PZP: variants seen among roughly 807,000 people sequenced by gnomAD.
PZP encodes the protein pregnancy zone protein.
PZP carries 150 observed loss-of-function variants against 179.8 expected under a neutral mutation model. The ratio of observed to expected loss-of-function variants is 0.83; its 90% CI spans 0.73 to 0.96. PZP has a LOEUF of 0.96. Ranked by LOEUF, PZP falls within the 40% of genes least tolerant of loss-of-function variation. PZP has a pLI of 0.00. For synonymous variants in PZP, 624 were observed against 652.3 expected (o/e 0.96, Z 0.66); for missense variants, 1,689 against 1,764.0 (o/e 0.96, Z 0.76).
chr12:9,166,731 T>A (rs1246197585), intron 17 of PZP, among the ~76,000 whole-genome samples: 1 of 152,232 alleles, frequency 6.6e-6, no homozygotes, highest in African/African-American at 2.4e-5. Flanking sequence ...AGCATTAGAT[T>A]TTATTCCACT....
At chr12:9,158,373 T>A in intron 26 of PZP, 47 bp downstream of exon 26, 3 of 1,600,912 alleles carry the variant, frequency 1.9e-6, no homozygotes, top group Non-Finnish European at 2.6e-6. Flanking sequence ...CCCTGGGGGA[T>A]GTTATGTTGA....
intron 17 of PZP, among the ~76,000 whole-genome samples, chr12:9,167,808 T>TC (rs1041197905): frequency 6.6e-6 from 1 of 152,202 alleles, no homozygotes; most frequent in Admixed American, 6.5e-5. Flanking sequence ...AACATTTCCT[T>TC]CCCCCCAAAC....
intron 28 of PZP, 56 bp downstream of exon 28, chr12:9,157,119 C>G: frequency 6.5e-7 from 1 of 1,536,568 alleles, no homozygotes; most frequent in African/African-American, 1.4e-5. Flanking sequence ...TGTGCTGTTC[C>G]CCTCCCTGTG....
intron 29 of PZP, among the ~76,000 whole-genome samples, chr12:9,154,353 T>C (rs772661723): frequency 1.3e-5 from 2 of 152,182 alleles, no homozygotes; most frequent in African/African-American, 2.4e-5. Context: ...CTAGAATGTG[T>C]CCAATGACCA....
At chr12:9,183,198 A>C (rs1477983127) in intron 13 of PZP, among the ~76,000 whole-genome samples, 1 of 152,234 alleles carries the variant, frequency 6.6e-6, no homozygotes, top group African/African-American at 2.4e-5. Flanking sequence ...AAGGCTAGCT[A>C]TCTAACACAC....
intron 13 of PZP, among the ~76,000 whole-genome samples, chr12:9,190,427 A>C (rs1337137402): frequency 6.6e-6 from 1 of 152,190 alleles, no homozygotes; most frequent in Non-Finnish European, 1.5e-5. Context: ...GTGCTCAGTT[A>C]TAAGTGGGAG....
intron 35 of PZP, 143 bp downstream of exon 35, chr12:9,149,418 G>A (rs754251703): frequency 1.6e-5 from 12 of 743,022 alleles, no homozygotes; most frequent in South Asian, 1.2e-4. Flanking sequence ...GGCATGCTAC[G>A]CCACAGTTTT....
At chr12:9,143,016 G>C in the PZP span, among the ~76,000 whole-genome samples, 2 of 152,164 alleles carry the variant, frequency 1.3e-5, no homozygotes, top group African/African-American at 4.8e-5. Context: ...AGGAAAACAA[G>C]ATTTATGAAG....
chr12:9,188,346 T>A (rs1181056270), intron 13 of PZP, among the ~76,000 whole-genome samples: 1 of 152,118 alleles, frequency 6.6e-6, no homozygotes, highest in Non-Finnish European at 1.5e-5. Context: ...AAACTCCCAA[T>A]AAACTAGATA....
intron 1 of PZP, 131 bp downstream of exon 1, chr12:9,208,128 T>C (rs1313419059): frequency 1.5e-6 from 1 of 649,804 alleles, no homozygotes; most frequent in South Asian, 1.9e-5. Flanking sequence ...AGGGATTAAC[T>C]GGAATAATTT....
the PZP span, among the ~76,000 whole-genome samples, chr12:9,137,047 T>C: frequency 1.3e-5 from 2 of 152,212 alleles, no homozygotes; most frequent in African/African-American, 4.8e-5. Flanking sequence ...GTTCAACTTA[T>C]TTGTTTTTGT....
chr12:9,166,021 C>T (rs776575593), intron 18 of PZP, 31 bp downstream of exon 18: 17 of 1,579,014 alleles, frequency 1.1e-5, no homozygotes, highest in South Asian at 3.5e-5. Context: ...TCCCTCCCCT[C>T]CAGCAAATGG....
chr12:9,151,470 C>T (rs1474815409), intron 33 of PZP, 134 bp downstream of exon 33: 2 of 618,310 alleles, frequency 3.2e-6, no homozygotes, highest in Non-Finnish European at 5.5e-6. Flanking sequence ...TCTTATTCTT[C>T]TTGGAATAGA....
In PZP at chr12:9,165,243, A is replaced by G; in HGVS notation, c.2383T>C (p.Phe795Leu). The change falls in exon 19 of 36, where the codon TTC (phenylalanine) becomes CTC (leucine). Residue 795 changes from phenylalanine to leucine, a missense_variant. Phe to Leu is a conservative substitution (Grantham distance 22). Around this residue, in one of 3 missense-constraint regions of PZP, gnomAD observed 201 missense variants for 284.2 expected, o/e 0.71. Coordinates refer to ENST00000261336, the MANE Select transcript of PZP (RefSeq NM_002864.3). Reference sequence around the variant, plus strand: ...GTGAGCTCCACAAAGAAGGGCTGGAAGGCTCGGAGAGAGGCAGTGGAAGAG... The same window carrying G: ...GTGAGCTCCACAAAGAAGGGCTGGAGGGCTCGGAGAGAGGCAGTGGAAGAG... The part of the protein sequence containing the change: ...GISSTASLRA[F>L]QPFFVELTMP... 6.2e-7 allele frequency: 1 copy of G among 1,614,204 alleles called. No individual in the cohort carries two copies. Among genetic ancestry groups the G allele is most frequent in the East Asian group, 2.2e-5 (1 of 44,878 alleles).
At position 9,182,073 on chromosome 12, in the gene PZP, C is replaced by T; in HGVS notation, c.1591G>A (p.Ala531Thr). The T allele has an allele frequency of 6.2e-7, 1 of 1,613,512 alleles. No homozygotes were observed. Among genetic ancestry groups the T allele is most frequent in the East Asian group, 2.2e-5 (1 of 44,854 alleles). ...AAGATGAACATTCGTGCAATGGGGGCAACGTCTGACTCCACAGGGAAGGAT... is the reference window on the plus strand; with the variant it reads ...AAGATGAACATTCGTGCAATGGGGGTAACGTCTGACTCCACAGGGAAGGAT... ...ALSFPVESDV[A>T]PIARMFIFAI... Residue 531 changes from alanine to threonine, a missense_variant, in exon 14 of 36, where the codon GCC becomes ACC. This residue lies in a region of PZP where 742 missense variants were observed against 730.5 expected (regional missense o/e 1.02). Transcript: ENST00000261336.
Position 9,157,196 on chromosome 12 carries a change from C to T in PZP, c.3529G>A (p.Asp1177Asn), listed in dbSNP as rs1193421051. 1.6e-5 allele frequency: 26 copies of T among 1,613,566 alleles called. No individual in the cohort carries two copies. Among genetic ancestry groups the T allele is most frequent in the Non-Finnish European group, 2.2e-5 (26 of 1,179,726 alleles). ...NQNREILNSL[D>N]KEAVKEDNLV... ...TCACCTTCTTTCACAGCTTCCTTAT[C>T]AAGTGAGTTCAGTATTTCTCTATTC... Residue 1177 changes from aspartate to asparagine, a missense_variant, in exon 28 of 36, where the codon GAT becomes AAT. Asp to Asn is a conservative substitution (Grantham distance 23). This residue lies in a region of PZP where 746 missense variants were observed against 749.2 expected (regional missense o/e 1.00). Coordinates refer to ENST00000261336, the MANE Select transcript of PZP (RefSeq NM_002864.3).
intron 15 of PZP, among the ~76,000 whole-genome samples, chr12:9,171,387 T>C (rs2114849): frequency 0.73 from 110,921 of 152,160 alleles, 40,767 homozygotes; most frequent in East Asian, 0.87. Flanking sequence ...GGTAGATAAG[T>C]TCACAAAGAT....
chr12:9,152,190 TGAAG>T, intron 32 of PZP, 26 bp downstream of exon 32: 1 of 1,439,976 alleles, frequency 6.9e-7, no homozygotes, highest in East Asian at 2.3e-5. Context: ...TACTTTTGTA[TGAAG>T]TCTATTAGGA....
chr12:9,160,177 C>T (rs1941071936), intron 24 of PZP, 137 bp downstream of exon 24: 2 of 1,099,002 alleles, frequency 1.8e-6, no homozygotes, highest in South Asian at 1.5e-5. Context: ...TCAAACACAA[C>T]ATCCTATTAG....
Sources: gnomAD v4.1 joint callset for allele counts (sites outside exome capture counted in the v4.1 genomes callset) on GRCh38, gnomAD v4.1.1 for gene constraint, gnomAD v4.1.1 regional missense constraint, MANE v1.5 for transcripts, NCBI Gene and HGNC (gene_info 2026-07-23, HGNC 2026-07-21) for gene names.